EPHA6: variants seen among roughly 807,000 people sequenced by gnomAD.
The protein encoded by EPHA6 is ephrin type-A receptor 6.
Under a neutral mutation model 112.0 loss-of-function variants are expected in EPHA6, and 50 were observed. That is an observed-to-expected ratio of 0.45 (90% confidence interval 0.36 to 0.56). The LOEUF is 0.56. Among genes scored for constraint, EPHA6 ranks in the 20% least tolerant of loss-of-function variants. EPHA6 has a pLI of 0.00. For synonymous variants in EPHA6, 529 were observed against 490.7 expected (o/e 1.08, Z -1.03); for missense variants, 1,280 against 1,417.4 (o/e 0.90, Z 1.56).
Position 97,626,890 on chromosome 3 carries a change from G to C in EPHA6, c.2575-10983G>C, listed in dbSNP as rs915471613. Reference sequence around the variant, plus strand: ...TAGGTTGATGTTTAAGATTTCTAAAGTGAGGCAGTTTTAGAAATGACAACT... The same window carrying C: ...TAGGTTGATGTTTAAGATTTCTAAACTGAGGCAGTTTTAGAAATGACAACT... On this transcript the variant is annotated intron_variant, in intron 13 of 17. Transcript: ENST00000389672. 1.3e-4 allele frequency among the ~76,000 whole-genome samples: 19 copies of C among 151,962 alleles called. No individual in the cohort carries two copies. In the East Asian group the frequency reaches 3.3e-3, roughly 26 times the overall value.
chr3:97,191,337 T>A (rs750409256), intron 3 of EPHA6, among the ~76,000 whole-genome samples: 46 of 152,022 alleles, frequency 3.0e-4, no homozygotes, highest in Non-Finnish European at 4.1e-4. Flanking sequence ...ATTATACTCT[T>A]TTAGTTATTT....
At chr3:97,116,879 G>T (rs2047903225) in intron 3 of EPHA6, among the ~76,000 whole-genome samples, 1 of 151,362 alleles carries the variant, frequency 6.6e-6, no homozygotes, top group Non-Finnish European at 1.5e-5. Flanking sequence ...TCATATGGTA[G>T]TTTTATTTTT....
intron 3 of EPHA6, among the ~76,000 whole-genome samples, chr3:97,074,057 C>G (rs2046440041): frequency 6.7e-6 from 1 of 149,110 alleles, no homozygotes; most frequent in Non-Finnish European, 1.5e-5. Context: ...TTGAAGCATA[C>G]TGTAAATGTA....
At chr3:96,928,985 C>G (rs958247837) in intron 2 of EPHA6, among the ~76,000 whole-genome samples, 3 of 152,140 alleles carry the variant, frequency 2.0e-5, no homozygotes, top group Admixed American at 6.5e-5. Context: ...TATCCTCAGT[C>G]TCAATATTTT....
At chr3:97,111,674 C>T (rs1035430375) in intron 3 of EPHA6, among the ~76,000 whole-genome samples, 1 of 152,026 alleles carries the variant, frequency 6.6e-6, no homozygotes, top group African/African-American at 2.4e-5. Context: ...TTCTCAAGAT[C>T]CTTTGGATTT....
intron 3 of EPHA6, among the ~76,000 whole-genome samples, chr3:97,219,891 A>G (rs1248421019): frequency 6.6e-6 from 1 of 152,152 alleles, no homozygotes; most frequent in African/African-American, 2.4e-5. Context: ...TCTAATTTCA[A>G]ACCATCTCTT....
chr3:96,868,759 A>G (rs2036470381), intron 2 of EPHA6, among the ~76,000 whole-genome samples: 1 of 152,046 alleles, frequency 6.6e-6, no homozygotes, highest in South Asian at 2.1e-4. Flanking sequence ...TTTAATTGAA[A>G]AAAACTCTTC....
intron 3 of EPHA6, among the ~76,000 whole-genome samples, chr3:97,181,113 A>G (rs904900417): frequency 1.3e-4 from 20 of 152,062 alleles, no homozygotes; most frequent in Non-Finnish European, 2.8e-4. Context: ...GGTGGGCACC[A>G]GGTGCGTTTG....
chr3:97,472,702 A>G (rs1253507391), intron 7 of EPHA6, among the ~76,000 whole-genome samples: 1 of 151,856 alleles, frequency 6.6e-6, no homozygotes, highest in Non-Finnish European at 1.5e-5. Flanking sequence ...CATGGATAAC[A>G]CAATATCATA....
At chr3:97,479,693 G>A (rs1452597149) in intron 9 of EPHA6, among the ~76,000 whole-genome samples, 1 of 152,058 alleles carries the variant, frequency 6.6e-6, no homozygotes, top group Non-Finnish European at 1.5e-5. Context: ...TGGAACATTA[G>A]ACATAGAAAT....
chr3:96,992,752 A>G (rs74959956), intron 3 of EPHA6, among the ~76,000 whole-genome samples: 4,431 of 152,142 alleles, frequency 0.029, 216 homozygotes, highest in African/African-American at 0.098. Flanking sequence ...TTTTTGAACA[A>G]TCCATGCGTT....
chr3:97,720,458 T>A (rs2034474955), intron 15 of EPHA6, 48 bp downstream of exon 15: 3 of 1,508,426 alleles, frequency 2.0e-6, no homozygotes, highest in Non-Finnish European at 2.7e-6. Flanking sequence ...TGTAAACACA[T>A]TAGCTTGAGG....
chr3:96,890,516 A>G (rs1355313725), intron 2 of EPHA6, among the ~76,000 whole-genome samples: 1 of 152,246 alleles, frequency 6.6e-6, no homozygotes, highest in Admixed American at 6.5e-5. Context: ...TATGTGGTAC[A>G]TATAATATTT....
At chr3:97,110,700 T>C (rs2047696566) in intron 3 of EPHA6, among the ~76,000 whole-genome samples, 1 of 150,090 alleles carries the variant, frequency 6.7e-6, no homozygotes, top group Admixed American at 6.7e-5. Context: ...AATTTTTGTA[T>C]TTTTTTTTAG....
Position 97,244,067 on chromosome 3 carries a change from C to A in EPHA6, c.1386C>A (p.Ile462=), listed in dbSNP as rs770135644. 6.2e-7 allele frequency: 1 copy of A among 1,612,888 alleles called. No homozygotes were observed. The highest frequency in any genetic ancestry group is 1.1e-5 in the South Asian group (1 of 91,050). The change falls in exon 5 of 18, where the codon ATC becomes ATA. Residue 462 remains isoleucine (I), a synonymous_variant. Coordinates refer to ENST00000389672, the MANE Select transcript of EPHA6 (RefSeq NM_001080448.3). The part of the protein sequence containing the change: ...GGRKDLTYSV[I]CKKCGLDTSQ... ...GAAAAGATCTCACATACAGTGTAAT[C>A]TGTAAGAAATGTGGCTTAGACACCA...
chr3:97,685,889 A>G (rs1458660494), intron 14 of EPHA6, among the ~76,000 whole-genome samples: 2 of 152,312 alleles, frequency 1.3e-5, no homozygotes, highest in East Asian at 1.9e-4. Flanking sequence ...TCTAAGATTC[A>G]TATCTAGGAT....
chr3:96,997,533 G>C (rs1453839437), intron 3 of EPHA6, among the ~76,000 whole-genome samples: 4 of 151,950 alleles, frequency 2.6e-5, no homozygotes, highest in African/African-American at 7.2e-5. Context: ...AGGAGACAGA[G>C]AGAGAAGGGA....
chr3:97,179,717 G>T (rs1212340673), intron 3 of EPHA6, among the ~76,000 whole-genome samples: 2 of 119,110 alleles, frequency 1.7e-5, no homozygotes, highest in African/African-American at 7.7e-5. Context: ...AACCTACAGA[G>T]TCTCTCTCTC....
chr3:96,954,628 A>C (rs1322534340), intron 2 of EPHA6, among the ~76,000 whole-genome samples: 1 of 152,118 alleles, frequency 6.6e-6, no homozygotes, highest in African/African-American at 2.4e-5. Flanking sequence ...ATGGCTGTTT[A>C]CCTAACCTCA....
Sources: gnomAD v4.1 joint callset for allele counts (sites outside exome capture counted in the v4.1 genomes callset) on GRCh38, gnomAD v4.1.1 for gene constraint, MANE v1.5 for transcripts, NCBI Gene and HGNC (gene_info 2026-07-23, HGNC 2026-07-21) for gene names.